Variants in ESR1 observed in about 807,000 individuals in gnomAD.
ESR1 encodes the protein estrogen receptor 1.
ESR1 carries 12 observed loss-of-function variants against 52.7 expected under a neutral mutation model. The ratio of observed to expected loss-of-function variants is 0.23; its 90% CI spans 0.15 to 0.37. The LOEUF (loss-of-function observed/expected upper bound fraction) is 0.37, where lower values mean the gene tolerates loss of function less well. Ranked by LOEUF, ESR1 falls within the 10% of genes least tolerant of loss-of-function variation. The pLI, the probability that ESR1 is intolerant of heterozygous loss-of-function variation, is 1.00. For missense variants in ESR1, 584 were observed against 779.7 expected, an observed-to-expected ratio of 0.75 and a Z score of 2.99; for synonymous variants, 305 against 316.8, an observed-to-expected ratio of 0.96 and a Z score of 0.39.
intron 4 of ESR1, among the ~76,000 whole-genome samples, chr6:151,968,144 A>G (rs1418192485): frequency 2.0e-5 from 3 of 152,142 alleles, no homozygotes; most frequent in Admixed American, 6.5e-5. Context: ...GATCTTTGAC[A>G]AACCGGACAA....
intron 3 of ESR1, among the ~76,000 whole-genome samples, chr6:151,933,076 C>T (rs2033889471): frequency 6.6e-6 from 1 of 151,806 alleles, no homozygotes; most frequent in South Asian, 2.1e-4. Context: ...TTGATTCTTC[C>T]TACCCATGAG....
intron 2 of ESR1, among the ~76,000 whole-genome samples, chr6:151,710,305 A>G (rs949172303): frequency 3.3e-5 from 5 of 152,144 alleles, no homozygotes; most frequent in African/African-American, 1.2e-4. Context: ...TTTAGTCAGA[A>G]GAAAGATACG....
chr6:151,756,053 C>A (rs1188269479), intron 2 of ESR1, among the ~76,000 whole-genome samples: 1 of 152,116 alleles, frequency 6.6e-6, no homozygotes, highest in Non-Finnish European at 1.5e-5. Context: ...ATTGAACATG[C>A]CTCTGACCCA....
intron 6 of ESR1, among the ~76,000 whole-genome samples, chr6:152,092,837 T>C (rs2050294913): frequency 6.6e-6 from 1 of 152,140 alleles, no homozygotes; most frequent in Non-Finnish European, 1.5e-5. Context: ...TGTCCTTGGG[T>C]TGAGGTCTCA....
rs572667589 is a variant in ESR1 at position 151,770,971 on chromosome 6, A to C, written c.-70-36872A>C. ...AGAACAAAAAGAAAAAGGAAACAGTAGACATATAAAGAAAGCACCTAAACC... is the reference window on the plus strand; with the variant it reads ...AGAACAAAAAGAAAAAGGAAACAGTCGACATATAAAGAAAGCACCTAAACC... On this transcript the variant is annotated intron_variant, in intron 2 of 2. Transcript: ENST00000404742. 2.5e-4 allele frequency among the ~76,000 whole-genome samples: 38 copies of C among 152,360 alleles called. 1 individual carries two copies. In the East Asian group the frequency reaches 6.4e-3, roughly 25 times the overall value.
At chr6:151,676,769 CA>C (rs1365867555) in intron 1 of ESR1, among the ~76,000 whole-genome samples, 3 of 152,156 alleles carry the variant, frequency 2.0e-5, no homozygotes, top group African/African-American at 7.2e-5. Flanking sequence ...GAAGCTGCCT[CA>C]CCAGAGAAAC....
intron 2 of ESR1, among the ~76,000 whole-genome samples, chr6:151,798,562 G>C (rs1004521891): frequency 4.6e-5 from 7 of 152,228 alleles, no homozygotes; most frequent in African/African-American, 1.7e-4. Context: ...GAATGTTTAT[G>C]TTATTTCCAA....
At chr6:151,783,743 A>T (rs1786765652) in intron 2 of ESR1, among the ~76,000 whole-genome samples, 1 of 152,144 alleles carries the variant, frequency 6.6e-6, no homozygotes, top group African/African-American at 2.4e-5. Context: ...TATTAACTTA[A>T]TTCATGCTTT....
At chr6:151,956,512 CCT>C (rs1204096397) in intron 4 of ESR1, among the ~76,000 whole-genome samples, 4 of 152,092 alleles carry the variant, frequency 2.6e-5, no homozygotes, top group Non-Finnish European at 5.9e-5. Flanking sequence ...GCATTTTACC[CCT>C]GTTAACTCAG....
At chr6:151,834,010 G>A (rs544948186) in intron 1 of ESR1, among the ~76,000 whole-genome samples, 91 of 152,202 alleles carry the variant, frequency 6.0e-4, no homozygotes, top group Admixed American at 1.4e-3. Flanking sequence ...ACCATCTCAC[G>A]CCAGTTAGAA....
chr6:151,754,251 C>T (rs1321287380), intron 2 of ESR1, among the ~76,000 whole-genome samples: 2 of 151,636 alleles, frequency 1.3e-5, no homozygotes, highest in African/African-American at 2.4e-5. Context: ...AGTTAAACCT[C>T]CTGTTGTTAG....
In ESR1 at chr6:151,860,823, C is replaced by A. The variant is rs186583966; in HGVS notation, c.643+18036C>A. ...CCAGTTATATGATGTGTTACCATTTCTGCTATAAAATCAAAAGAAGAGATC... is the reference window on the plus strand; with the variant it reads ...CCAGTTATATGATGTGTTACCATTTATGCTATAAAATCAAAAGAAGAGATC... On this transcript the variant is annotated intron_variant, in intron 2 of 7. Transcript: ENST00000206249. Among the ~76,000 whole-genome samples, 873 of 152,250 alleles carry A rather than the reference C, an allele frequency of 5.7e-3. 11 individuals carry two copies. Among genetic ancestry groups the A allele is most frequent in the African/African-American group, 0.02 (849 of 41,552 alleles).
intron 3 of ESR1, among the ~76,000 whole-genome samples, chr6:151,901,210 G>C (rs1333950201): frequency 6.6e-6 from 1 of 152,172 alleles, no homozygotes; most frequent in South Asian, 2.1e-4. Flanking sequence ...CATGCAGGCT[G>C]TCAGGAATGT....
At chr6:152,017,721 C>T (rs2043272925) in intron 5 of ESR1, among the ~76,000 whole-genome samples, 1 of 152,030 alleles carries the variant, frequency 6.6e-6, no homozygotes, top group African/African-American at 2.4e-5. Flanking sequence ...GTTCATCCTA[C>T]TCATTCCTTG....
rs566340649 is a variant in ESR1, at chr6:152,096,784, G to A, written c.1554-1948G>A. On this transcript the variant is annotated intron_variant, in intron 7 of 7. Coordinates refer to ENST00000206249, the MANE Select transcript of ESR1 (RefSeq NM_000125.4). Reference sequence around the variant, plus strand: ...TTCTTTTGATGAGTATTATAGAGAGGGAAGCCATGAGTGGATTAGATGCCA... The same window carrying A: ...TTCTTTTGATGAGTATTATAGAGAGAGAAGCCATGAGTGGATTAGATGCCA... 1.5e-3 allele frequency: 624 copies of A among 408,826 alleles called. 2 individuals carry two copies. The highest frequency in any genetic ancestry group is 3.3e-3 in the Admixed American group (132 of 39,764). 25.3% of individuals were successfully genotyped at this position (408,826 alleles called of 1,614,324 possible).
chr6:152,067,940 TAAATTGGCAACCGC>T (rs1463659349), intron 6 of ESR1, among the ~76,000 whole-genome samples: 2 of 152,262 alleles, frequency 1.3e-5, no homozygotes, highest in Non-Finnish European at 2.9e-5. Flanking sequence ...AGCTTCTACT[TAAATTGGCAACCGC>T]ACCAAATATA....
intron 2 of ESR1, among the ~76,000 whole-genome samples, chr6:151,780,750 C>T (rs1487511502): frequency 6.6e-6 from 1 of 152,188 alleles, no homozygotes; most frequent in Non-Finnish European, 1.5e-5. Context: ...TCTCCTCATT[C>T]TCAGGAGAGC....
chr6:151,891,783 A>C (rs1223461170), intron 3 of ESR1, among the ~76,000 whole-genome samples: 1 of 152,202 alleles, frequency 6.6e-6, no homozygotes, highest in East Asian at 1.9e-4. Context: ...GACTTAGGAA[A>C]TGTTACGGTG....
At chr6:151,844,102 G>A (rs996935238) in intron 2 of ESR1, among the ~76,000 whole-genome samples, 1 of 150,774 alleles carries the variant, frequency 6.6e-6, no homozygotes, top group Non-Finnish European at 1.5e-5. Context: ...CTTTGTGTGT[G>A]TATATATATA....
Sources: allele counts gnomAD v4.1 joint callset (sites outside exome capture counted in the v4.1 genomes callset), GRCh38; gene constraint gnomAD v4.1.1; transcripts MANE v1.5; gene names NCBI Gene and HGNC (gene_info 2026-07-23, HGNC 2026-07-21).